PRMT8: variants seen among roughly 807,000 people sequenced by gnomAD.
The protein encoded by PRMT8 is protein arginine N-methyltransferase 8.
In PRMT8, 7 loss-of-function variants were observed where a neutral mutation model predicts 47.1. The observed-to-expected ratio is 0.15, with a 90% CI of 0.08 to 0.28. PRMT8 has a LOEUF of 0.28. Ranked by LOEUF, PRMT8 falls within the 10% of genes least tolerant of loss-of-function variation. PRMT8 has a pLI of 1.00. For synonymous variants in PRMT8, 188 were observed against 186.5 expected (o/e 1.01, Z -0.07); for missense variants, 237 against 505.4 (o/e 0.47, Z 5.09).
At chr12:3,487,063 G>A (rs951897461), upstream of PRMT8, among the ~76,000 whole-genome samples, 3 of 152,210 alleles carry the variant, frequency 2.0e-5, no homozygotes, top group African/African-American at 2.4e-5. Flanking sequence ...CTGCCTGGAG[G>A]CTCAGCCAGG....
At chr12:3,489,839 GCACA>G (rs35501021), upstream of PRMT8, among the ~76,000 whole-genome samples, 48 of 144,854 alleles carry the variant, frequency 3.3e-4, no homozygotes, top group African/African-American at 1.1e-3. Flanking sequence ...ACACACGCGC[GCACA>G]CACACACACA....
chr12:3,573,537 A>G (rs1264348251), intron 6 of PRMT8, among the ~76,000 whole-genome samples: 1 of 152,170 alleles, frequency 6.6e-6, no homozygotes, highest in Admixed American at 6.5e-5. Context: ...CATGTGTCTT[A>G]TAATTTTTCA....
At chr12:3,464,226 TACAG>T (rs1375582052) in intron 1 of PRMT8, among the ~76,000 whole-genome samples, 2 of 150,384 alleles carry the variant, frequency 1.3e-5, no homozygotes, top group Non-Finnish European at 2.9e-5. Context: ...AACAAAGTTA[TACAG>T]ACAAAGAGGT....
At chr12:3,411,937 C>T (rs1164525238) in intron 1 of PRMT8, among the ~76,000 whole-genome samples, 4 of 152,230 alleles carry the variant, frequency 2.6e-5, no homozygotes, top group African/African-American at 7.2e-5. Context: ...ACTAACTGTA[C>T]AGTCAGCCCT....
chr12:3,541,214 A>G (rs1423137870), intron 2 of PRMT8, among the ~76,000 whole-genome samples: 2 of 152,222 alleles, frequency 1.3e-5, no homozygotes, highest in African/African-American at 4.8e-5. Context: ...CTTTTGACCA[A>G]TGAGCACCTC....
At position 3,552,482 on chromosome 12, in the gene PRMT8, A is replaced by G. The variant is rs1192754196; in HGVS notation, c.418-1169A>G. The G allele has an allele frequency of 1.1e-5, 3 of 272,836 alleles. No individual in the cohort carries two copies. The highest frequency in any genetic ancestry group is 6.7e-5 in the African/African-American group (3 of 44,494). 16.9% of individuals were successfully genotyped at this position (272,836 alleles called of 1,614,324 possible). ...AAATCCAGGCCTGGCTCCGGGTCGC[A>G]TGCTCCTCATCACTCAACATGGTCG... On this transcript the variant is annotated intron_variant, in intron 3 of 9. Coordinates refer to ENST00000382622, the MANE Select transcript of PRMT8 (RefSeq NM_019854.5). This position sits in a 1 kb window ranked among gnomAD's most constrained non-coding sequence, Gnocchi z 4.5.
At chr12:3,487,427 C>T (rs977391497), upstream of PRMT8, among the ~76,000 whole-genome samples, 8 of 152,068 alleles carry the variant, frequency 5.3e-5, no homozygotes, top group Admixed American at 3.3e-4. Flanking sequence ...TTGGTTGGCC[C>T]CTGGAGATGA....
chr12:3,398,035 C>A (rs1479008753), intron 1 of PRMT8, among the ~76,000 whole-genome samples: 1 of 152,198 alleles, frequency 6.6e-6, no homozygotes, highest in Non-Finnish European at 1.5e-5. Flanking sequence ...TTGCGCTTCC[C>A]GAGGAGGCAA....
At chr12:3,428,345 T>C (rs11838134) in intron 1 of PRMT8, among the ~76,000 whole-genome samples, 4,442 of 152,214 alleles carry the variant, frequency 0.029, 225 homozygotes, top group African/African-American at 0.1. Flanking sequence ...AAGATACTTC[T>C]GAACTGGTGA....
chr12:3,492,622 T>C lies in PRMT8; in HGVS notation c.75+922T>C, dbSNP rs913732598. ...GGCTTTGCGTCCCGAGACTCGAGGC[T>C]GTGATCCCTCGCCTCCCTCTGACCC... On this transcript the variant is annotated intron_variant, in intron 1 of 9. Coordinates refer to ENST00000382622, the MANE Select transcript of PRMT8 (RefSeq NM_019854.5). This position sits in a 1 kb window ranked among gnomAD's most constrained non-coding sequence, Gnocchi z 7.5. Among the ~76,000 whole-genome samples the C allele has an allele frequency of 1.3e-5, 2 of 152,180 alleles. No individual in the cohort carries two copies. Among genetic ancestry groups the C allele is most frequent in the Admixed American group, 1.3e-4 (2 of 15,272 alleles).
chr12:3,561,630 C>A (rs1291716520), intron 4 of PRMT8, among the ~76,000 whole-genome samples: 1 of 152,174 alleles, frequency 6.6e-6, no homozygotes, highest in Non-Finnish European at 1.5e-5. Context: ...TAGGGTCATG[C>A]AGCCAAGTCA....
Position 3,569,628 on chromosome 12 carries a change from T to A in PRMT8, c.712+64T>A. ...ACAATTGGGGTGGGAGGCACTCCAG[T>A]GGGCCCGAGATGAGCAGGCAGTGAC... On this transcript the variant is annotated intron_variant, in intron 6 of 9. Transcript: ENST00000382622. The surrounding 1 kb of genome is among the most constrained non-coding windows in gnomAD (Gnocchi z 8.2). 1 of 1,332,152 alleles carries A rather than the reference T, an allele frequency of 7.5e-7. No individual in the cohort carries two copies. Among genetic ancestry groups the A allele is most frequent in the Non-Finnish European group, 1.1e-6 (1 of 923,512 alleles). The allele number at this position is 1,332,152 out of a possible 1,614,324, so 82.5% of individuals were successfully genotyped here.
intron 1 of PRMT8, among the ~76,000 whole-genome samples, chr12:3,477,019 T>C (rs942542030): frequency 6.6e-6 from 1 of 152,166 alleles, no homozygotes; most frequent in Non-Finnish European, 1.5e-5. Context: ...TGGAGTGTGA[T>C]TGACTATAGG....
chr12:3,465,768 G>A (rs1865091749), intron 1 of PRMT8, among the ~76,000 whole-genome samples: 2 of 152,180 alleles, frequency 1.3e-5, no homozygotes, highest in African/African-American at 4.8e-5. Context: ...CCTTTCAGAG[G>A]GCATAGCCGT....
At chr12:3,507,118 CT>C (rs72188443) in intron 1 of PRMT8, among the ~76,000 whole-genome samples, 2,592 of 122,532 alleles carry the variant, frequency 0.021, 28 homozygotes, top group African/African-American at 0.07. Flanking sequence ...GGTGGCCTTT[CT>C]TTTTTTTTTT....
chr12:3,457,308 AT>A (rs1048829800), intron 1 of PRMT8, among the ~76,000 whole-genome samples: 1 of 151,196 alleles, frequency 6.6e-6, no homozygotes, highest in Admixed American at 6.6e-5. Context: ...TGCTAAGCAT[AT>A]TTTTTTTTCT....
upstream of PRMT8, among the ~76,000 whole-genome samples, chr12:3,489,833 A>G (rs11062682): frequency 0.52 from 60,691 of 117,810 alleles, 12,956 homozygotes; most frequent in Non-Finnish European, 0.56. Flanking sequence ...ACACACACAC[A>G]CGCGCGCACA....
At chr12:3,521,324 A>C (rs2137141452) in intron 1 of PRMT8, among the ~76,000 whole-genome samples, 1 of 152,338 alleles carries the variant, frequency 6.6e-6, no homozygotes, top group South Asian at 2.1e-4. Context: ...TTGTAATCCC[A>C]GCACTTTGGG....
chr12:3,573,756 C>G (rs1866891715), intron 6 of PRMT8, among the ~76,000 whole-genome samples: 1 of 152,074 alleles, frequency 6.6e-6, no homozygotes, highest in Non-Finnish European at 1.5e-5. Flanking sequence ...CTGTTTTCAT[C>G]CATTAACAAA....
Sources: allele counts gnomAD v4.1 joint callset (sites outside exome capture counted in the v4.1 genomes callset), GRCh38; gene constraint gnomAD v4.1.1; non-coding constraint Gnocchi (gnomAD v3.1); transcripts MANE v1.5; gene names NCBI Gene and HGNC (gene_info 2026-07-23, HGNC 2026-07-21).